The following FGF2 variants were observed in gnomAD, a reference collection of about 807,000 sequenced individuals.
The protein encoded by FGF2 is fibroblast growth factor 2.
Under a neutral mutation model 15.9 loss-of-function variants are expected in FGF2, and 13 were observed. The ratio of observed to expected loss-of-function variants is 0.82; its 90% CI spans 0.53 to 1.30. The LOEUF is 1.30. Among genes scored for constraint, FGF2 ranks in the 50% most tolerant of loss-of-function variants. The pLI, the probability that FGF2 is intolerant of heterozygous loss-of-function variation, is 0.00. For synonymous variants in FGF2, 90 were observed against 78.4 expected, an observed-to-expected ratio of 1.15 and a Z score of -0.78; for missense variants, 163 against 196.9, an observed-to-expected ratio of 0.83 and a Z score of 1.03.
In FGF2 at chr4:122,827,063, G is replaced by C. The variant is rs1274213434; in HGVS notation, c.-112G>C. 97 of 1,108,070 alleles carry C rather than the reference G, an allele frequency of 8.8e-5. No homozygotes were observed. Among genetic ancestry groups the C allele is most frequent in the Non-Finnish European group, 1.0e-4 (91 of 910,252 alleles). The allele number at this position is 1,108,070 out of a possible 1,614,324, so 68.6% of individuals were successfully genotyped here. A position where few individuals can be genotyped will look rare whatever the true frequency, so the allele number is the denominator to read the frequency against. On this transcript the variant is annotated 5_prime_UTR_variant, in exon 1 of 3. Transcript: ENST00000644866. This position sits in a 1 kb window ranked among gnomAD's most constrained non-coding sequence, Gnocchi z 4.2. ...TGCCGGGCGGGAGGCTGGGGGGCCG[G>C]GGCCGGGGCCGTGCCCCGGAGCGGG...
chr4:122,895,451 A>G lies in FGF2; in HGVS notation c.*3055A>G, dbSNP rs1727320427. 6.6e-6 allele frequency: 1 copy of G among 152,230 alleles called. No individual in the cohort carries two copies. The highest frequency in any genetic ancestry group is 1.5e-5 in the Non-Finnish European group (1 of 68,036). 9.4% of individuals were successfully genotyped at this position (152,230 alleles called of 1,614,324 possible). A position where few individuals can be genotyped will look rare whatever the true frequency, so the allele number is the denominator to read the frequency against. On this transcript the variant is annotated 3_prime_UTR_variant, in exon 3 of 3. Transcript: ENST00000644866. ...AATAATAGAATTAGATTGAAATAAAATATAATGGGAAATAATCTGCAGAAT... is the reference window on the plus strand; with the variant it reads ...AATAATAGAATTAGATTGAAATAAAGTATAATGGGAAATAATCTGCAGAAT...
chr4:122,875,604 C>T (rs771309401), intron 1 of FGF2, among the ~76,000 whole-genome samples: 9 of 152,140 alleles, frequency 5.9e-5, no homozygotes, highest in Middle Eastern at 3.4e-3. Flanking sequence ...GTCAGGAGAT[C>T]GAGACCATCT....
chr4:122,836,988 C>G (rs1347191056), intron 1 of FGF2, among the ~76,000 whole-genome samples: 2 of 152,186 alleles, frequency 1.3e-5, no homozygotes, highest in Non-Finnish European at 2.9e-5. Flanking sequence ...ATACCTGATT[C>G]AGACACTTCA....
At chr4:122,860,544 C>T (rs308445) in intron 1 of FGF2, among the ~76,000 whole-genome samples, 14,950 of 150,966 alleles carry the variant, frequency 0.099, 1,560 homozygotes, top group African/African-American at 0.26. Context: ...AACCTCCACC[C>T]ACCCAGGCTC....
Position 122,897,611 on chromosome 4 carries a change from A to G in FGF2, c.*5215A>G, listed in dbSNP as rs1169432364. 6.3e-7 allele frequency: 1 copy of G among 1,578,408 alleles called. No homozygotes were observed. The highest frequency in any genetic ancestry group is 1.7e-5 in the Admixed American group (1 of 59,838). Reference sequence around the variant, plus strand: ...ACATTTTTAAGCCAATTAAAAATATAAAAGATACACACCAATATCTTCTTC... The same window carrying G: ...ACATTTTTAAGCCAATTAAAAATATGAAAGATACACACCAATATCTTCTTC... On this transcript the variant is annotated 3_prime_UTR_variant, in exon 3 of 3. Coordinates refer to ENST00000644866, the MANE Select transcript of FGF2 (RefSeq NM_001361665.2).
chr4:122,828,006 C>T (rs994457409), intron 1 of FGF2, among the ~76,000 whole-genome samples: 3 of 152,222 alleles, frequency 2.0e-5, no homozygotes, highest in African/African-American at 7.2e-5. Flanking sequence ...CTTCCACCTG[C>T]AGTGACTAGC....
At chr4:122,839,490 G>C (rs1302772128) in intron 1 of FGF2, among the ~76,000 whole-genome samples, 1 of 152,144 alleles carries the variant, frequency 6.6e-6, no homozygotes, top group East Asian at 1.9e-4. Flanking sequence ...TAAAGACCAA[G>C]ATAGATAAAG....
At chr4:122,877,115 T>C (rs10011810) in intron 2 of FGF2, among the ~76,000 whole-genome samples, 3,520 of 147,404 alleles carry the variant, frequency 0.024, 60 homozygotes, top group Non-Finnish European at 0.036. Flanking sequence ...CTTTTTTTTT[T>C]CTTTTTTTTT....
At chr4:122,868,191 T>G (rs951870407) in intron 1 of FGF2, among the ~76,000 whole-genome samples, 5 of 152,182 alleles carry the variant, frequency 3.3e-5, no homozygotes, top group Non-Finnish European at 4.4e-5. Context: ...GGGATACATA[T>G]GCAGAACGTG....
At chr4:122,891,719 C>T (rs1445493041) in intron 2 of FGF2, among the ~76,000 whole-genome samples, 1 of 144,068 alleles carries the variant, frequency 6.9e-6, no homozygotes, top group Non-Finnish European at 1.5e-5. Context: ...AAAGTATTAA[C>T]AAACCTCCTT....
In FGF2 at chr4:122,897,560, A is replaced by G. The variant is rs1385421039; in HGVS notation, c.*5164A>G. 3 of 1,170,986 alleles carry G rather than the reference A, an allele frequency of 2.6e-6. No homozygotes were observed. The highest frequency in any genetic ancestry group is 3.8e-6 in the Non-Finnish European group (3 of 780,354). The allele number at this position is 1,170,986 out of a possible 1,614,324, so 72.5% of individuals were successfully genotyped here. ...AATTTTTATTCTTAGCTATAAAGCAAGAAAGTAAACACATTAATTTCCTCA... is the reference window on the plus strand; with the variant it reads ...AATTTTTATTCTTAGCTATAAAGCAGGAAAGTAAACACATTAATTTCCTCA... On this transcript the variant is annotated 3_prime_UTR_variant, in exon 3 of 3. Transcript: ENST00000644866.
chr4:122,830,156 C>T (rs895442131), intron 1 of FGF2, among the ~76,000 whole-genome samples: 1 of 152,148 alleles, frequency 6.6e-6, no homozygotes, highest in African/African-American at 2.4e-5. Context: ...AGGCCAAGTT[C>T]AACCATTATC....
At chr4:122,865,645 A>T (rs900751078) in intron 1 of FGF2, among the ~76,000 whole-genome samples, 2 of 152,174 alleles carry the variant, frequency 1.3e-5, no homozygotes, top group African/African-American at 4.8e-5. Context: ...GATTTTCCAG[A>T]TATCATATTG....
chr4:122,875,429 A>C (rs1726819180), intron 1 of FGF2, among the ~76,000 whole-genome samples: 1 of 152,022 alleles, frequency 6.6e-6, no homozygotes, highest in Non-Finnish European at 1.5e-5. Flanking sequence ...TTTGCACACA[A>C]AAAAATAGAC....
At chr4:122,854,694 T>C (rs1163768450) in intron 1 of FGF2, among the ~76,000 whole-genome samples, 1 of 152,156 alleles carries the variant, frequency 6.6e-6, no homozygotes, top group East Asian at 1.9e-4. Context: ...GCAAGGGCCT[T>C]CTCAGAAGTT....
chr4:122,873,211 T>C (rs903236768), intron 1 of FGF2, among the ~76,000 whole-genome samples: 1 of 152,258 alleles, frequency 6.6e-6, no homozygotes, highest in Non-Finnish European at 1.5e-5. Context: ...TTGGAAGATC[T>C]CTCTTTATCC....
rs543736031 is a variant in FGF2 at position 122,897,683 on chromosome 4, A to C, written c.*5287A>C. On this transcript the variant is annotated 3_prime_UTR_variant, in exon 3 of 3. Coordinates refer to ENST00000644866, the MANE Select transcript of FGF2 (RefSeq NM_001361665.2). ...AAACTTCCACATATTTTTCAACTGC[A>C]GTATAAAGTCAGAAAATAAAGTTAA... The C allele has an allele frequency of 3.8e-6, 6 of 1,595,284 alleles. No homozygotes were observed. The Admixed American group carries it at 1.0e-4, about 27-fold the overall frequency.
At chr4:122,844,590 C>CTTTCTTTCTTTCTTTCTTT (rs1560740345) in intron 1 of FGF2, among the ~76,000 whole-genome samples, 1 of 107,684 alleles carries the variant, frequency 9.3e-6, no homozygotes, top group African/African-American at 3.3e-5. Context: ...TTTCTTTCTT[C>CTTTCTTTCTTTCTTTCTTT]CTTCCTTCCT....
At chr4:122,855,841 A>G (rs983035157) in intron 1 of FGF2, among the ~76,000 whole-genome samples, 7 of 152,348 alleles carry the variant, frequency 4.6e-5, no homozygotes, top group Non-Finnish European at 1.0e-4. Flanking sequence ...TTGTCTTTAA[A>G]TAATCCTCTC....
Sources: allele counts gnomAD v4.1 joint callset (sites outside exome capture counted in the v4.1 genomes callset), GRCh38; gene constraint gnomAD v4.1.1; non-coding constraint Gnocchi (gnomAD v3.1); transcripts MANE v1.5; gene names NCBI Gene and HGNC (gene_info 2026-07-23, HGNC 2026-07-21).